The following PRRG1 variants were observed in gnomAD, a reference collection of about 807,000 sequenced individuals.
PRRG1 encodes proline rich and Gla domain 1.
A neutral mutation model predicts 11.8 loss-of-function variants in PRRG1; 5 were observed. The ratio of observed to expected loss-of-function variants is 0.42; its 90% CI spans 0.22 to 0.89. The LOEUF is 0.89. PRRG1 is among the 40% of genes least tolerant of loss of function. PRRG1 has a pLI of 0.28. For synonymous variants in PRRG1, 66 were observed against 60.4 expected (o/e 1.09, Z -0.43); for missense variants, 155 against 166.1 (o/e 0.93, Z 0.37).
chrX:37,364,515 A>T (rs1930509443), intron 1 of PRRG1, among the ~76,000 whole-genome samples: 1 of 112,188 alleles, frequency 8.9e-6, no homozygotes, highest in African/African-American at 3.2e-5. Flanking sequence ...TGTAGCCCAT[A>T]ATTAGTGAAG....
chrX:37,456,863 T>TA lies in PRRG1; in HGVS notation c.*3245dup, dbSNP rs1556398538. ...TGAATTGAATCAACCAGTTTGCATT[T>TA]AAATAAAAGAACAGGCTCAGTGGTC... On this transcript the variant is annotated 3_prime_UTR_variant, in exon 4 of 4. Transcript: ENST00000378628. 2 of 112,494 alleles carry TA rather than the reference T, an allele frequency of 1.8e-5. No homozygotes were observed. Among genetic ancestry groups the TA allele is most frequent in the East Asian group, 5.5e-4 (2 of 3,609 alleles). The allele number at this position is 112,494 out of a possible 1,213,427, so 9.3% of individuals were successfully genotyped here.
At chrX:37,413,863 A>G (rs944585261) in intron 2 of PRRG1, among the ~76,000 whole-genome samples, 1 of 112,258 alleles carries the variant, frequency 8.9e-6, no homozygotes, top group Non-Finnish European at 1.9e-5. Context: ...TAGATACACA[A>G]ATACTTACAT....
Position 37,400,117 on chromosome X carries a change from C to A in PRRG1, c.-41-6092C>A, listed in dbSNP as rs782462762. Among the ~76,000 whole-genome samples the A allele has an allele frequency of 2.3e-4, 26 of 111,647 alleles. No homozygotes were observed. In the South Asian group the frequency reaches 1.0e-2, roughly 43 times the overall value. On this transcript the variant is annotated intron_variant, in intron 1 of 3. Coordinates refer to ENST00000378628, the MANE Select transcript of PRRG1 (RefSeq NM_001142395.2). ...GGATACCCAGGAATTCAACTCAGCT[C>A]TGCACCAAGTGGGCCTAATAGACAT...
chrX:37,442,530 A>C (rs984643856), intron 3 of PRRG1, among the ~76,000 whole-genome samples: 1 of 110,803 alleles, frequency 9.0e-6, no homozygotes, highest in African/African-American at 3.3e-5. Flanking sequence ...GCCATGGTAT[A>C]TGTGGGTGCA....
At chrX:37,384,089 C>T (rs5964302) in intron 1 of PRRG1, among the ~76,000 whole-genome samples, 32,470 of 109,192 alleles carry the variant, frequency 0.3, 7,075 homozygotes, top group African/African-American at 0.77. Context: ...TATATACTTA[C>T]TGGCCATTCA....
intron 3 of PRRG1, among the ~76,000 whole-genome samples, chrX:37,433,526 A>T (rs1343548160): frequency 1.1e-4 from 11 of 103,385 alleles, no homozygotes; most frequent in African/African-American, 3.9e-4. Context: ...CCCTTCTGTG[A>T]CTTTCTTTTT....
intron 1 of PRRG1, among the ~76,000 whole-genome samples, chrX:37,356,867 G>C (rs951930027): frequency 9.0e-6 from 1 of 111,467 alleles, no homozygotes; most frequent in Non-Finnish European, 1.9e-5. Context: ...CTGTACCACA[G>C]TGGTACATTT....
chrX:37,358,439 AT>A (rs1307870756), intron 1 of PRRG1, among the ~76,000 whole-genome samples: 10 of 107,626 alleles, frequency 9.3e-5, no homozygotes, highest in Non-Finnish European at 1.9e-4. Context: ...ATCTAGATTC[AT>A]TTTTTTTTCA....
intron 1 of PRRG1, among the ~76,000 whole-genome samples, chrX:37,379,993 A>C (rs951533605): frequency 9.0e-6 from 1 of 111,617 alleles, no homozygotes; most frequent in African/African-American, 3.2e-5. Flanking sequence ...TATTCAGAGG[A>C]CAGAGTGATT....
intron 3 of PRRG1, among the ~76,000 whole-genome samples, chrX:37,438,561 C>T (rs1932921423): frequency 1.9e-5 from 2 of 107,642 alleles, no homozygotes; most frequent in Admixed American, 1.0e-4. Flanking sequence ...CTCAGCCTCC[C>T]GAGTAGCTGG....
At chrX:37,379,310 T>G (rs1461152787) in intron 1 of PRRG1, among the ~76,000 whole-genome samples, 2 of 110,087 alleles carry the variant, frequency 1.8e-5, no homozygotes, top group African/African-American at 6.6e-5. Flanking sequence ...AGTGCAATTA[T>G]TATTCATCTG....
At chrX:37,380,031 T>C (rs1556373427) in intron 1 of PRRG1, among the ~76,000 whole-genome samples, 1 of 105,783 alleles carries the variant, frequency 9.5e-6, no homozygotes, top group Non-Finnish European at 1.9e-5. Context: ...TGAAGATACA[T>C]TTCTAAGGAG....
chrX:37,410,025 G>T (rs1287724201), intron 2 of PRRG1, among the ~76,000 whole-genome samples: 1 of 111,704 alleles, frequency 9.0e-6, no homozygotes, highest in Non-Finnish European at 1.9e-5. Flanking sequence ...AAATATTAAG[G>T]TGGGGAAGAT....
At chrX:37,361,080 C>T (rs1156779109) in intron 1 of PRRG1, among the ~76,000 whole-genome samples, 1 of 112,374 alleles carries the variant, frequency 8.9e-6, no homozygotes, top group Non-Finnish European at 1.9e-5. Context: ...CGGTGGCTCA[C>T]GCCTGTAATC....
chrX:37,395,969 G>C (rs1404899606), intron 1 of PRRG1, among the ~76,000 whole-genome samples: 16 of 111,864 alleles, frequency 1.4e-4, no homozygotes, highest in African/African-American at 5.2e-4. Context: ...CAGCTCCCAG[G>C]AAATTGATAT....
At chrX:37,388,043 G>T (rs1166443039) in intron 1 of PRRG1, among the ~76,000 whole-genome samples, 2 of 112,118 alleles carry the variant, frequency 1.8e-5, no homozygotes, top group Non-Finnish European at 3.8e-5. Flanking sequence ...TAGTCATTAA[G>T]TCTTAAACCT....
intron 1 of PRRG1, among the ~76,000 whole-genome samples, chrX:37,378,944 A>T (rs782461969): frequency 1.9e-5 from 2 of 105,746 alleles, no homozygotes; most frequent in South Asian, 8.8e-4. Flanking sequence ...GTAATCACTG[A>T]GTCCTAGCAC....
chrX:37,380,968 C>A (rs1312718607), intron 1 of PRRG1, among the ~76,000 whole-genome samples: 1 of 111,490 alleles, frequency 9.0e-6, no homozygotes. Context: ...CTTAGGGAAC[C>A]AAGGCTACCC....
intron 1 of PRRG1, chrX:37,403,754 C>G (rs1331883937): frequency 1.3e-6 from 1 of 751,433 alleles, no homozygotes; most frequent in African/African-American, 2.3e-5. Context: ...ATGGAAAGAT[C>G]ATTCCATCAG....
Sources: allele counts gnomAD v4.1 joint callset (sites outside exome capture counted in the v4.1 genomes callset), GRCh38; gene constraint gnomAD v4.1.1; transcripts MANE v1.5; gene names NCBI Gene and HGNC (gene_info 2026-07-23, HGNC 2026-07-21).